EIF3L: variants seen among roughly 807,000 people sequenced by gnomAD.
The protein encoded by EIF3L is eukaryotic translation initiation factor 3 subunit L.
In EIF3L, 32 loss-of-function variants were observed where a neutral mutation model predicts 74.6. The observed-to-expected ratio is 0.43, with a 90% confidence interval of 0.32 to 0.58. The LOEUF (loss-of-function observed/expected upper bound fraction) is 0.58. Among genes scored for constraint, EIF3L ranks in the 20% least tolerant of loss-of-function variants. The pLI, the probability that EIF3L is intolerant of heterozygous loss-of-function variation, is 0.06. For missense variants in EIF3L, 474 were observed against 707.8 expected (o/e 0.67, Z 3.75); for synonymous variants, 256 against 254.4 (o/e 1.01, Z -0.06).
chr22:37,868,578 C>T (rs557374158), intron 7 of EIF3L, among the ~76,000 whole-genome samples: 18 of 149,776 alleles, frequency 1.2e-4, no homozygotes, highest in Non-Finnish European at 2.5e-4. Context: ...CTCAGCCTCC[C>T]GAGTAGCTGG....
intron 6 of EIF3L, 89 bp from the exon 7 acceptor site, chr22:37,863,183 T>C: frequency 7.8e-7 from 1 of 1,280,634 alleles, no homozygotes; most frequent in Non-Finnish European, 1.1e-6. Flanking sequence ...CATGGTCCTT[T>C]TAAGAGAGAA....
Position 37,870,337 on chromosome 22 carries a change from C to T in EIF3L, c.741C>T (p.Tyr247=), listed in dbSNP as rs1249080933. The T allele has an allele frequency of 6.2e-7, 1 of 1,607,084 alleles. No individual in the cohort carries two copies. Among genetic ancestry groups the T allele is most frequent in the Non-Finnish European group, 8.5e-7 (1 of 1,175,788 alleles). ...ACATCAACCGACAGTTGGAGGTATA[C>T]ACAAGCGGAGGTGAGTGCAGCAGGC... ...KSNINRQLEV[Y]TSGGDPESVA... Residue 247 remains tyrosine, a synonymous_variant, in exon 8 of 13, where the codon TAC becomes TAT. Coordinates refer to ENST00000652021, the MANE Select transcript of EIF3L (RefSeq NM_016091.4).
chr22:37,886,703 TG>T, intron 11 of EIF3L, 61 bp from the exon 12 acceptor site: 1 of 1,461,762 alleles, frequency 6.8e-7, no homozygotes, highest in South Asian at 1.2e-5. Flanking sequence ...TGGTGGCTCC[TG>T]GGTTAGATGG....
At position 37,874,561 on chromosome 22, in the gene EIF3L, C is replaced by T. The variant is rs113405484; in HGVS notation, c.906+37C>T. 2.6e-3 allele frequency: 4,094 copies of T among 1,599,300 alleles called. 94 individuals are homozygous for T. In the African/African-American group the frequency reaches 0.048, roughly 19 times the overall value. On this transcript the variant is annotated intron_variant, in intron 9 of 12. Transcript: ENST00000652021. The stretch of plus-strand genomic sequence containing the variant: ...TGCCTCTGGCCCCTCTTGCCAGAGC[C>T]AGAATATCTATTTCTAGAGAACCAC...
intron 10 of EIF3L, 122 bp downstream of exon 10, chr22:37,876,133 C>G: frequency 9.8e-7 from 1 of 1,015,820 alleles, no homozygotes; most frequent in Non-Finnish European, 1.4e-6. Context: ...GAGTTCAAGA[C>G]TGTAGAGCGC....
intron 5 of EIF3L, among the ~76,000 whole-genome samples, chr22:37,861,679 G>A (rs1181016621): frequency 3.4e-5 from 5 of 148,390 alleles, no homozygotes; most frequent in East Asian, 2.0e-4. Flanking sequence ...GCGAGACTCC[G>A]TCTCAAAAAA....
At chr22:37,863,394 A>G in intron 7 of EIF3L, 49 bp downstream of exon 7, 1 of 1,432,010 alleles carries the variant, frequency 7.0e-7, no homozygotes, top group Admixed American at 1.8e-5. Flanking sequence ...CCATGCCAGG[A>G]ATAGCTGTTA....
chr22:37,873,874 CT>C (rs1352387158), intron 8 of EIF3L, among the ~76,000 whole-genome samples: 1 of 152,128 alleles, frequency 6.6e-6, no homozygotes, highest in Non-Finnish European at 1.5e-5. Context: ...AGGACTAGTT[CT>C]TTTAGTGCAA....
chr22:37,866,993 A>G (rs2145819570), intron 7 of EIF3L, among the ~76,000 whole-genome samples: 1 of 152,292 alleles, frequency 6.6e-6, no homozygotes, highest in Admixed American at 6.5e-5. Context: ...GGCTGTATCA[A>G]ATTGTGTTAC....
intron 11 of EIF3L, 140 bp from the exon 12 acceptor site, chr22:37,886,625 T>G: frequency 1.8e-6 from 1 of 548,000 alleles, no homozygotes; most frequent in South Asian, 2.1e-5. Flanking sequence ...TAACTGGTGG[T>G]GTTTTTCCAG....
At chr22:37,851,198 G>A in intron 2 of EIF3L, 82 bp from the exon 3 acceptor site, 1 of 1,195,232 alleles carries the variant, frequency 8.4e-7, no homozygotes, top group Non-Finnish European at 1.2e-6. Context: ...CCTGAGTTTA[G>A]TTTCTGGGGT....
chr22:37,878,406 C>A, intron 11 of EIF3L: 1 of 295,274 alleles, frequency 3.4e-6, no homozygotes, highest in Non-Finnish European at 6.0e-6. Context: ...GTAGTGAGAC[C>A]TTTTCTCTAT....
intron 4 of EIF3L, among the ~76,000 whole-genome samples, chr22:37,857,293 C>T (rs1345375369): frequency 3.4e-5 from 5 of 147,300 alleles, no homozygotes; most frequent in Non-Finnish European, 5.9e-5. Flanking sequence ...TGGCGTGAAC[C>T]CGGGAGGCAG....
In EIF3L at chr22:37,884,898, A is replaced by T. The variant is rs898981861; in HGVS notation, c.1576-1867A>T. 3.8e-5 allele frequency: 5 copies of T among 132,240 alleles called. No homozygotes were observed. In the East Asian group the frequency reaches 1.1e-3, roughly 29 times the overall value. The allele number at this position is 132,240 out of a possible 1,614,324, so 8.2% of individuals were successfully genotyped here. On this transcript the variant is annotated intron_variant, in intron 11 of 12. Transcript: ENST00000652021. ...TTTCTCCCTTGCCAGGATCATGTCA[A>T]GCCTTTTTTTTTTTTTTTTTTTTTT...
chr22:37,860,430 C>T (rs1925795339), intron 5 of EIF3L, among the ~76,000 whole-genome samples: 2 of 152,236 alleles, frequency 1.3e-5, no homozygotes, highest in African/African-American at 4.8e-5. Flanking sequence ...TCTCGGCTCA[C>T]TCCAACCTCT....
intron 7 of EIF3L, among the ~76,000 whole-genome samples, chr22:37,864,828 C>T (rs550425341): frequency 3.3e-4 from 51 of 152,264 alleles, no homozygotes; most frequent in South Asian, 8.3e-4. Context: ...TGTGAGCCAC[C>T]GCGCCTGGCC....
chr22:37,869,152 A>G (rs1158315624), intron 7 of EIF3L, among the ~76,000 whole-genome samples: 1 of 152,140 alleles, frequency 6.6e-6, no homozygotes, highest in African/African-American at 2.4e-5. Flanking sequence ...GTTTTGAGAC[A>G]GAGTTTTACT....
At position 37,877,812 on chromosome 22, in the gene EIF3L, C is replaced by T. The variant is rs1428435563; in HGVS notation, c.1216C>T (p.Pro406Ser). 3 of 1,613,758 alleles carry T rather than the reference C, an allele frequency of 1.9e-6. No individual in the cohort carries two copies. The highest frequency in any genetic ancestry group is 2.5e-6 in the Non-Finnish European group (3 of 1,179,870). The change falls in exon 11 of 13, where the codon CCA becomes TCA. Residue 406 changes from proline to serine, a missense_variant. This residue lies in a region of EIF3L where 293 missense variants were observed against 469.1 expected (regional missense o/e 0.62). Transcript: ENST00000652021. ...GATGTTGCGCATGCAGAAAGGTGAC[C>T]CACAAGTCTATGAAGAACTTTTCAG... is the stretch of plus-strand genomic sequence containing the variant. ...DKMLRMQKGDPQVYEELFSYS... is the reference protein window; with the variant it reads ...DKMLRMQKGDSQVYEELFSYS...
At chr22:37,885,634 G>A (rs1037572261) in intron 11 of EIF3L, 2 of 149,862 alleles carry the variant, frequency 1.3e-5, no homozygotes, top group African/African-American at 2.5e-5. Flanking sequence ...CAGTGTAGGA[G>A]CATAAACTTT....
Sources: allele counts gnomAD v4.1 joint callset (sites outside exome capture counted in the v4.1 genomes callset), GRCh38; gene constraint gnomAD v4.1.1; regional missense constraint gnomAD v4.1.1; transcripts MANE v1.5; gene names NCBI Gene and HGNC (gene_info 2026-07-23, HGNC 2026-07-21).